The following PNN variants were observed in gnomAD, a reference collection of about 807,000 sequenced individuals.
The protein encoded by PNN is pinin, desmosome associated protein, also known as pinin.
A neutral mutation model predicts 76.6 loss-of-function variants in PNN; 38 were observed. That is an observed-to-expected ratio of 0.50 (90% CI 0.38 to 0.65). The LOEUF (loss-of-function observed/expected upper bound fraction) is 0.65. Ranked by LOEUF, PNN falls within the 30% of genes least tolerant of loss-of-function variation. PNN has a pLI of 0.00. For missense variants in PNN, 873 were observed against 874.1 expected, an observed-to-expected ratio of 1.00 and a Z score of 0.02; for synonymous variants, 366 against 283.7, an observed-to-expected ratio of 1.29 and a Z score of -2.91.
intron 4 of PNN, 50 bp from the exon 5 acceptor site, chr14:39,177,543 G>T (rs1396746095): frequency 6.3e-7 from 1 of 1,592,282 alleles, no homozygotes; most frequent in Non-Finnish European, 8.6e-7. Flanking sequence ...ACATTTAAAA[G>T]CACACCACTC....
chr14:39,178,582 TC>T (rs2053246806), intron 6 of PNN, among the ~76,000 whole-genome samples: 1 of 151,854 alleles, frequency 6.6e-6, no homozygotes, highest in Non-Finnish European at 1.5e-5. Flanking sequence ...TTTTTCTTTT[TC>T]TTTTTTTTTG....
At chr14:39,176,170 TA>T (rs780487898) in intron 2 of PNN, 21 bp downstream of exon 2, 1 of 1,383,796 alleles carries the variant, frequency 7.2e-7, no homozygotes, top group South Asian at 1.2e-5. Flanking sequence ...CTTTGGACTT[TA>T]CTCATGCTGA....
At chr14:39,175,484 A>G (rs2053212833) in intron 1 of PNN, 92 bp downstream of exon 1, 2 of 785,286 alleles carry the variant, frequency 2.5e-6, no homozygotes, top group Non-Finnish European at 4.4e-6. Context: ...GCCAGCCTTA[A>G]GAAGACTGGA....
chr14:39,177,954 G>C (rs1594554791), intron 6 of PNN, 38 bp downstream of exon 6: 1 of 930,318 alleles, frequency 1.1e-6, no homozygotes, highest in African/African-American at 2.0e-5. Flanking sequence ...ATATATTTAA[G>C]TTATCAAAGT....
Position 39,181,050 on chromosome 14 carries a change from G to A in PNN, c.1341G>A (p.Glu447=). ...KECKTLSPGK[E]NVSALDMEKE... is the part of the protein sequence containing the mutation. ...GTAAAACCCTTTCTCCTGGGAAAGA[G>A]AATGTCAGTGCTTTAGACATGGAAA... Residue 447 remains glutamate, a synonymous_variant, in exon 9 of 9, where the codon GAG becomes GAA. Transcript: ENST00000216832. 6.2e-7 allele frequency: 1 copy of A among 1,613,416 alleles called. No individual in the cohort carries two copies. Among genetic ancestry groups the A allele is most frequent in the South Asian group, 1.1e-5 (1 of 91,004 alleles).
chr14:39,180,234 A>G (rs1249416731), intron 8 of PNN, among the ~76,000 whole-genome samples: 1 of 152,230 alleles, frequency 6.6e-6, no homozygotes, highest in Admixed American at 6.5e-5. Context: ...TTTATTTTTC[A>G]TCAGACATAA....
chr14:39,180,218 A>T (rs533079977), intron 8 of PNN, among the ~76,000 whole-genome samples: 1 of 152,314 alleles, frequency 6.6e-6, no homozygotes, highest in East Asian at 1.9e-4. Context: ...TCTGTTTTAC[A>T]GAAGTTTTAT....
chr14:39,177,536 T>C, intron 4 of PNN, 52 bp downstream of exon 4: 5 of 1,595,686 alleles, frequency 3.1e-6, no homozygotes, highest in Non-Finnish European at 4.3e-6. Flanking sequence ...CTTTACTACA[T>C]TTAAAAGCAC....
intron 6 of PNN, among the ~76,000 whole-genome samples, chr14:39,178,159 C>G (rs1299112175): frequency 6.6e-6 from 1 of 151,854 alleles, no homozygotes; most frequent in Non-Finnish European, 1.5e-5. Context: ...AAAAAAGCCT[C>G]AAGTCTCCAT....
rs750214059 is a variant in PNN at position 39,177,932 on chromosome 14, T to C, written c.498+16T>C. 1.4e-6 allele frequency: 2 copies of C among 1,480,400 alleles called. No homozygotes were observed. Among genetic ancestry groups the C allele is most frequent in the Admixed American group, 1.7e-5 (1 of 57,886 alleles). 91.7% of individuals were successfully genotyped at this position (1,480,400 alleles called of 1,614,324 possible). On this transcript the variant is annotated intron_variant, in intron 6 of 8. Transcript: ENST00000216832. ...TACTGAAAGGGTATTTATCCAAGTT[T>C]TGTTTTGCATCATATATTTAAGTTA... is the stretch of plus-strand genomic sequence containing the variant.
In PNN at chr14:39,177,499, A is replaced by G. The variant is rs1295308915; in HGVS notation, c.327+15A>G. 2.5e-6 allele frequency: 4 copies of G among 1,611,558 alleles called. No homozygotes were observed. Among genetic ancestry groups the G allele is most frequent in the East Asian group, 2.2e-5 (1 of 44,878 alleles). On this transcript the variant is annotated intron_variant, in intron 4 of 8. Coordinates refer to ENST00000216832, the MANE Select transcript of PNN (RefSeq NM_002687.4). ...ATGTTAAAAAGGTATTGAGATTGAA[A>G]GAACTTAAATGAATGTAGTACCTTC...
intron 1 of PNN, chr14:39,175,783 G>A (rs2753602): frequency 1.0e-5 from 5 of 478,702 alleles, no homozygotes; most frequent in Non-Finnish European, 1.5e-5. Flanking sequence ...CCTTACCCCA[G>A]CTTCCTGTCC....
rs148193612 is a variant in PNN, at chr14:39,181,116, A to T, written c.1407A>T (p.Gln469His). 7.9e-4 allele frequency: 1,274 copies of T among 1,612,486 alleles called. 6 individuals carry two copies. Among genetic ancestry groups the T allele is most frequent in the Non-Finnish European group, 3.7e-4 (440 of 1,178,574 alleles). ...AAGAAGAAAAAGAATCTGAGCCCCAACCTGAGCCTGTGGCTCAACCTCAGC... is the reference window on the plus strand; with the variant it reads ...AAGAAGAAAAAGAATCTGAGCCCCATCCTGAGCCTGTGGCTCAACCTCAGC... ...EEKEEKESEP[Q>H]PEPVAQPQPQ... The change falls in exon 9 of 9, where the codon CAA becomes CAT. Residue 469 changes from glutamine (Q) to histidine (H), a missense_variant. Transcript: ENST00000216832.
At chr14:39,176,056 C>T in intron 1 of PNN, 22 bp from the exon 2 acceptor site, 2 of 1,466,766 alleles carry the variant, frequency 1.4e-6, no homozygotes, top group Non-Finnish European at 1.9e-6. Flanking sequence ...TGATTTTGCA[C>T]TGATTTGTAA....
rs192362261 is a variant in PNN, at chr14:39,177,742, C to G, written c.422+55C>G. 1.3e-4 allele frequency: 196 copies of G among 1,475,374 alleles called. 1 individual carries two copies. In the African/African-American group the frequency reaches 2.3e-3, roughly 17 times the overall value. The allele number at this position is 1,475,374 out of a possible 1,614,324, so 91.4% of individuals were successfully genotyped here. A position where few individuals can be genotyped will look rare whatever the true frequency, so the allele number is the denominator to read the frequency against. ...GAAATAATGCAGTTATAAGGAAAATCAAGGGATTGTTCAAGCATCCTGTAG... is the reference window on the plus strand; with the variant it reads ...GAAATAATGCAGTTATAAGGAAAATGAAGGGATTGTTCAAGCATCCTGTAG... On this transcript the variant is annotated intron_variant, in intron 5 of 8. Coordinates refer to ENST00000216832, the MANE Select transcript of PNN (RefSeq NM_002687.4).
At chr14:39,179,541 AATAATT>A in intron 8 of PNN, 79 bp downstream of exon 8, 1 of 1,191,116 alleles carries the variant, frequency 8.4e-7, no homozygotes, top group South Asian at 1.6e-5. Context: ...TGTTTTCTAA[AATAATT>A]ATGATTCAGT....
At chr14:39,178,321 A>C (rs116240014) in intron 6 of PNN, among the ~76,000 whole-genome samples, 2 of 152,130 alleles carry the variant, frequency 1.3e-5, no homozygotes, top group African/African-American at 4.8e-5. Context: ...CTGAGGTCAG[A>C]AGTTTTTCGA....
chr14:39,182,163 A>G lies in PNN; in HGVS notation c.*300A>G, dbSNP rs1233027642. 1 of 214,078 alleles carries G rather than the reference A, an allele frequency of 4.7e-6. No individual in the cohort carries two copies. Among genetic ancestry groups the G allele is most frequent in the Non-Finnish European group, 9.4e-6 (1 of 106,706 alleles). 13.3% of individuals were successfully genotyped at this position (214,078 alleles called of 1,614,324 possible). A position where few individuals can be genotyped will look rare whatever the true frequency, so the allele number is the denominator to read the frequency against. On this transcript the variant is annotated 3_prime_UTR_variant, in exon 9 of 9. Transcript: ENST00000216832. ...TATACTCTTCAGTAAGAATCTGTAT[A>G]TTTTAATAGGCAAATCTTTAAGTCT... is the stretch of plus-strand genomic sequence containing the variant.
intron 6 of PNN, among the ~76,000 whole-genome samples, chr14:39,178,788 A>G (rs1454031498): frequency 6.7e-6 from 1 of 149,452 alleles, no homozygotes; most frequent in Non-Finnish European, 1.5e-5. Flanking sequence ...CTCAGGCTGG[A>G]GTGTAGTGGC....
Sources: allele counts gnomAD v4.1 joint callset (sites outside exome capture counted in the v4.1 genomes callset), GRCh38; gene constraint gnomAD v4.1.1; transcripts MANE v1.5; gene names NCBI Gene and HGNC (gene_info 2026-07-23, HGNC 2026-07-21).